MTCL1: variants seen among roughly 807,000 people sequenced by gnomAD.
MTCL1 encodes the protein microtubule crosslinking factor 1.
A neutral mutation model predicts 141.4 loss-of-function variants in MTCL1; 79 were observed. That is an observed-to-expected ratio of 0.56 (90% CI 0.47 to 0.67). The LOEUF (loss-of-function observed/expected upper bound fraction) is 0.67, where lower values mean the gene tolerates loss of function less well. Among genes scored for constraint, MTCL1 ranks in the 30% least tolerant of loss-of-function variants. MTCL1 has a pLI of 0.00. For missense variants in MTCL1, 2,177 were observed against 2,113.9 expected, an observed-to-expected ratio of 1.03 and a Z score of -0.59; for synonymous variants, 914 against 875.8, an observed-to-expected ratio of 1.04 and a Z score of -0.77.
intron 11 of MTCL1, among the ~76,000 whole-genome samples, chr18:8,811,834 A>G (rs549622044): frequency 6.6e-6 from 1 of 152,330 alleles, no homozygotes; most frequent in Non-Finnish European, 1.5e-5. Context: ...CAATTTGTTA[A>G]AATTGTGCAC....
intron 3 of MTCL1, among the ~76,000 whole-genome samples, chr18:8,719,883 A>G (rs1457044509): frequency 6.6e-6 from 1 of 152,144 alleles, no homozygotes; most frequent in Non-Finnish European, 1.5e-5. Context: ...TGGGTTCAGT[A>G]TTACTTTAGT....
chr18:8,769,222 G>T (rs768975685), intron 4 of MTCL1, among the ~76,000 whole-genome samples: 2 of 152,158 alleles, frequency 1.3e-5, no homozygotes, highest in African/African-American at 2.4e-5. Context: ...TCAAATGTAG[G>T]ATTCTGATTC....
chr18:8,726,658 A>G (rs1431316096), intron 4 of MTCL1, among the ~76,000 whole-genome samples: 1 of 152,110 alleles, frequency 6.6e-6, no homozygotes, highest in African/African-American at 2.4e-5. Context: ...GGGCTTCCAC[A>G]TATGAATTTG....
chr18:8,748,749 G>A (rs771537869), intron 4 of MTCL1, among the ~76,000 whole-genome samples: 1 of 152,090 alleles, frequency 6.6e-6, no homozygotes, highest in Non-Finnish European at 1.5e-5. Context: ...ATTAACATGA[G>A]TTCAGGGTAT....
intron 12 of MTCL1, among the ~76,000 whole-genome samples, chr18:8,815,775 G>T (rs968018889): frequency 6.6e-6 from 1 of 151,922 alleles, no homozygotes; most frequent in Admixed American, 6.6e-5. Flanking sequence ...GAAACAGTTC[G>T]GCCAAACTGA....
chr18:8,736,731 G>A (rs908340090), intron 4 of MTCL1, among the ~76,000 whole-genome samples: 2 of 150,662 alleles, frequency 1.3e-5, no homozygotes, highest in Non-Finnish European at 2.9e-5. Context: ...TCTGCCTCCC[G>A]GGTTCATGCC....
At chr18:8,814,667 C>G (rs1294208515) in intron 12 of MTCL1, among the ~76,000 whole-genome samples, 1 of 152,144 alleles carries the variant, frequency 6.6e-6, no homozygotes, top group Non-Finnish European at 1.5e-5. Context: ...AACTTGTCAC[C>G]AGGGAGCTTC....
At chr18:8,770,968 A>G (rs1051729193) in intron 4 of MTCL1, among the ~76,000 whole-genome samples, 2 of 152,148 alleles carry the variant, frequency 1.3e-5, no homozygotes, top group Admixed American at 1.3e-4. Flanking sequence ...AATACCTCTT[A>G]TGGCATAATA....
chr18:8,775,632 A>AAC (rs1172868027), intron 4 of MTCL1, among the ~76,000 whole-genome samples: 1 of 152,138 alleles, frequency 6.6e-6, no homozygotes, highest in African/African-American at 2.4e-5. Flanking sequence ...AATCTTGGGG[A>AAC]ACTTCCTTAT....
Position 8,828,768 on chromosome 18 carries a change from C to A in MTCL1, c.4723-140C>A. ...GCTAGATCTGAGAGCCCGCAAGTCTCTCCTGGTGGCTACCCCTGAGCGAGA... is the reference window on the plus strand; with the variant it reads ...GCTAGATCTGAGAGCCCGCAAGTCTATCCTGGTGGCTACCCCTGAGCGAGA... On this transcript the variant is annotated intron_variant, in intron 15 of 16. Transcript: ENST00000359865. This position sits in a 1 kb window ranked among gnomAD's most constrained non-coding sequence, Gnocchi z 5.2. 1 of 1,413,870 alleles carries A rather than the reference C, an allele frequency of 7.1e-7. No homozygotes were observed. The allele number at this position is 1,413,870 out of a possible 1,614,324, so 87.6% of individuals were successfully genotyped here.
intron 12 of MTCL1, among the ~76,000 whole-genome samples, chr18:8,817,406 G>A (rs2144321449): frequency 6.6e-6 from 1 of 152,214 alleles, no homozygotes; most frequent in East Asian, 1.9e-4. Context: ...TAATTTGACT[G>A]TGAACTGCCT....
intron 4 of MTCL1, among the ~76,000 whole-genome samples, chr18:8,765,337 A>G (rs1168331001): frequency 6.6e-6 from 1 of 152,242 alleles, no homozygotes; most frequent in Non-Finnish European, 1.5e-5. Context: ...AGTGAGCCCA[A>G]GGGGCAAGAA....
chr18:8,825,828 A>G, exon 15 of MTCL1: 1 of 1,614,128 alleles, frequency 6.2e-7, no homozygotes, highest in African/African-American at 1.3e-5. Context: ...CACCACCATT[A>G]ATGATGGCCT....
chr18:8,783,704 G>A lies in MTCL1; in HGVS notation c.592G>A (p.Gly198Arg), dbSNP rs779189849. 3.1e-5 allele frequency: 50 copies of A among 1,607,612 alleles called. No homozygotes were observed. Among genetic ancestry groups the A allele is most frequent in the East Asian group, 1.1e-4 (5 of 44,684 alleles). Residue 198 changes from glycine (G) to arginine (R), a missense_variant, in exon 6 of 17, where the codon GGG becomes AGG. Physicochemically the swap from Gly to Arg is moderately radical, Grantham distance 125. Transcript: ENST00000359865. Reference sequence around the variant, plus strand: ...TCCCCTGCCCACGGGGGAAGCAGGCGGGCCCCCCAGCACCCGGGAGGCCGA... The same window carrying A: ...TCCCCTGCCCACGGGGGAAGCAGGCAGGCCCCCCAGCACCCGGGAGGCCGA...
intron 10 of MTCL1, among the ~76,000 whole-genome samples, chr18:8,805,355 G>A (rs954857125): frequency 2.6e-5 from 4 of 152,058 alleles, no homozygotes; most frequent in Middle Eastern, 3.2e-3. Context: ...GAGAACATGC[G>A]GTATTTGGTT....
At chr18:8,794,861 G>C (rs2075860220) in intron 8 of MTCL1, among the ~76,000 whole-genome samples, 1 of 152,082 alleles carries the variant, frequency 6.6e-6, no homozygotes, top group South Asian at 2.1e-4. Flanking sequence ...CTCTTTTATT[G>C]TCATGTACCT....
At chr18:8,775,719 T>C (rs1381738914) in intron 4 of MTCL1, among the ~76,000 whole-genome samples, 1 of 152,182 alleles carries the variant, frequency 6.6e-6, no homozygotes, top group East Asian at 1.9e-4. Flanking sequence ...CTCTTTGTAG[T>C]GTGACCCACT....
intron 12 of MTCL1, 53 bp downstream of exon 11, chr18:8,813,286 A>G: frequency 5.8e-6 from 9 of 1,558,616 alleles, no homozygotes; most frequent in Non-Finnish European, 7.8e-6. Context: ...TAGACTGCTC[A>G]GTGGACCCAG....
chr18:8,723,436 C>T (rs1203559154), intron 4 of MTCL1, among the ~76,000 whole-genome samples: 1 of 152,162 alleles, frequency 6.6e-6, no homozygotes, highest in African/African-American at 2.4e-5. Flanking sequence ...GTGTGACCTC[C>T]TGAAAAAGGC....
Sources: gnomAD v4.1 joint callset for allele counts (sites outside exome capture counted in the v4.1 genomes callset) on GRCh38, gnomAD v4.1.1 for gene constraint, Gnocchi (gnomAD v3.1) non-coding constraint, MANE v1.5 for transcripts, NCBI Gene and HGNC (gene_info 2026-07-23, HGNC 2026-07-21) for gene names.